The following MORC1 variants were observed in gnomAD, a reference collection of about 807,000 sequenced individuals.
The protein encoded by MORC1 is MORC family CW-type zinc finger 1.
MORC1 carries 59 observed loss-of-function variants against 134.9 expected under a neutral mutation model. The observed-to-expected ratio is 0.44, with a 90% CI of 0.35 to 0.54. The LOEUF (loss-of-function observed/expected upper bound fraction) is 0.54, where lower values mean the gene tolerates loss of function less well. MORC1 is among the 20% of genes least tolerant of loss of function. The pLI, the probability that MORC1 is intolerant of heterozygous loss-of-function variation, is 0.00. For missense variants in MORC1, 947 were observed against 1,134.5 expected, an observed-to-expected ratio of 0.83 and a Z score of 2.37; for synonymous variants, 395 against 391.7, an observed-to-expected ratio of 1.01 and a Z score of -0.10.
intron 17 of MORC1, among the ~76,000 whole-genome samples, chr3:109,015,853 T>G (rs1948805334): frequency 6.6e-6 from 1 of 152,166 alleles, no homozygotes; most frequent in Non-Finnish European, 1.5e-5. Flanking sequence ...CTAAAATTTG[T>G]GCAAGTTGAG....
intron 14 of MORC1, among the ~76,000 whole-genome samples, chr3:109,046,292 TC>T (rs1414759347): frequency 1.3e-5 from 2 of 152,162 alleles, no homozygotes; most frequent in African/African-American, 4.8e-5. Context: ...CGGCAAATCT[TC>T]AAAAACAACA....
chr3:109,043,373 C>A (rs968008332), intron 14 of MORC1, among the ~76,000 whole-genome samples: 1 of 151,978 alleles, frequency 6.6e-6, no homozygotes, highest in African/African-American at 2.4e-5. Flanking sequence ...ATCATAGAGA[C>A]AGAAAGTAGA....
intron 6 of MORC1, among the ~76,000 whole-genome samples, chr3:109,098,882 T>C (rs1405110753): frequency 6.6e-6 from 1 of 152,184 alleles, no homozygotes; most frequent in Non-Finnish European, 1.5e-5. Flanking sequence ...ACAGCCATAA[T>C]AATAAAACTC....
chr3:108,967,701 T>C (rs1478233254), intron 26 of MORC1, among the ~76,000 whole-genome samples: 1 of 152,142 alleles, frequency 6.6e-6, no homozygotes, highest in African/African-American at 2.4e-5. Flanking sequence ...GAGACTAAGA[T>C]GAAATAGCCA....
chr3:108,970,190 G>C (rs1947339880), intron 25 of MORC1, among the ~76,000 whole-genome samples: 1 of 151,794 alleles, frequency 6.6e-6, no homozygotes, highest in African/African-American at 2.4e-5. Context: ...AAGTGGCCCA[G>C]GAATGAGCCT....
chr3:109,030,231 T>C (rs1949209556), intron 16 of MORC1, among the ~76,000 whole-genome samples: 1 of 152,240 alleles, frequency 6.6e-6, no homozygotes, highest in Admixed American at 6.5e-5. Context: ...ATTATACTTG[T>C]CATCACTTTA....
intron 4 of MORC1, among the ~76,000 whole-genome samples, chr3:109,102,970 A>G (rs559846188): frequency 5.9e-5 from 9 of 152,184 alleles, no homozygotes; most frequent in Non-Finnish European, 1.0e-4. Flanking sequence ...TAAACTTGCT[A>G]ATACTCTTCA....
intron 14 of MORC1, among the ~76,000 whole-genome samples, chr3:109,037,141 T>C (rs1452221489): frequency 6.6e-6 from 1 of 152,220 alleles, no homozygotes; most frequent in Non-Finnish European, 1.5e-5. Flanking sequence ...TTTTAAGTCC[T>C]GGGTCTGGGG....
At chr3:109,061,923 T>A in intron 11 of MORC1, 65 bp downstream of exon 11, 1 of 1,393,250 alleles carries the variant, frequency 7.2e-7, no homozygotes. Flanking sequence ...GAGACAACTA[T>A]GCACAGGAAA....
chr3:109,065,687 C>A (rs1164393499), intron 9 of MORC1, among the ~76,000 whole-genome samples: 4 of 152,150 alleles, frequency 2.6e-5, no homozygotes, highest in Non-Finnish European at 2.9e-5. Flanking sequence ...TTAAGAGGAA[C>A]TAACTTGCCC....
intron 15 of MORC1, among the ~76,000 whole-genome samples, chr3:109,035,089 T>C (rs13094869): frequency 0.054 from 8,177 of 152,202 alleles, 515 homozygotes; most frequent in African/African-American, 0.15. Context: ...TACTCCATCA[T>C]AGAATCTTGC....
chr3:108,987,037 A>C, intron 21 of MORC1, 88 bp from the exon 22 acceptor site: 1 of 940,318 alleles, frequency 1.1e-6, no homozygotes, highest in Non-Finnish European at 1.5e-6. Flanking sequence ...CAGTGTCCCC[A>C]GCAGAAAAGA....
At chr3:109,067,144 C>A (rs1224474536) in intron 9 of MORC1, among the ~76,000 whole-genome samples, 1 of 152,142 alleles carries the variant, frequency 6.6e-6, no homozygotes, top group African/African-American at 2.4e-5. Flanking sequence ...AAGGACCATG[C>A]GGTTCCTATG....
chr3:109,032,942 T>G, intron 15 of MORC1, 117 bp from the exon 16 acceptor site: 1 of 717,950 alleles, frequency 1.4e-6, no homozygotes, highest in Middle Eastern at 2.8e-4. Flanking sequence ...GACAACTGAA[T>G]CCTTCATCAT....
intron 21 of MORC1, among the ~76,000 whole-genome samples, chr3:108,996,867 G>A (rs531895132): frequency 6.6e-6 from 1 of 151,978 alleles, no homozygotes; most frequent in Non-Finnish European, 1.5e-5. Context: ...AAAATTAGCC[G>A]GGCATGGTGG....
intron 12 of MORC1, among the ~76,000 whole-genome samples, chr3:109,058,521 C>A (rs977726390): frequency 1.3e-5 from 2 of 151,872 alleles, no homozygotes; most frequent in African/African-American, 4.8e-5. Context: ...ACTTATTGGA[C>A]TAATTAAATG....
rs116701466 is a variant in MORC1 at position 108,986,855 on chromosome 3, T to C, written c.2257+25A>G. Reference sequence around the variant, plus strand: ...TCAAACATTATAGCTAATATATATATATACATGAGCTGATTTTTTTTTACC... The same window carrying C: ...TCAAACATTATAGCTAATATATATACATACATGAGCTGATTTTTTTTTACC... On this transcript the variant is annotated intron_variant, in intron 22 of 27. Transcript: ENST00000232603. The C allele has an allele frequency of 0.11, 159,563 of 1,425,708 alleles. 10,541 individuals are homozygous for C. The highest frequency in any genetic ancestry group is 0.13 in the Non-Finnish European group (133,193 of 1,049,050). The allele number at this position is 1,425,708 out of a possible 1,614,324, so 88.3% of individuals were successfully genotyped here.
At chr3:109,079,474 C>T (rs1950486553) in intron 8 of MORC1, among the ~76,000 whole-genome samples, 1 of 151,842 alleles carries the variant, frequency 6.6e-6, no homozygotes, top group African/African-American at 2.4e-5. Flanking sequence ...ATAAATAAAA[C>T]AAAATGTACT....
At chr3:108,974,943 C>G (rs952196911) in intron 24 of MORC1, among the ~76,000 whole-genome samples, 2 of 152,212 alleles carry the variant, frequency 1.3e-5, no homozygotes, top group Admixed American at 1.3e-4. Context: ...AGCTGAACCA[C>G]TAAATCAACA....
Sources: gnomAD v4.1 joint callset for allele counts (sites outside exome capture counted in the v4.1 genomes callset) on GRCh38, gnomAD v4.1.1 for gene constraint, MANE v1.5 for transcripts, NCBI Gene and HGNC (gene_info 2026-07-23, HGNC 2026-07-21) for gene names.